The following EFHD2 variants were observed in gnomAD, a reference collection of about 807,000 sequenced individuals.
The protein encoded by EFHD2 is EF-hand domain-containing protein D2.
In EFHD2, 12 loss-of-function variants were observed where a neutral mutation model predicts 20.3. The observed-to-expected ratio is 0.59, with a 90% CI of 0.38 to 0.96. EFHD2 has a LOEUF of 0.96. Among genes scored for constraint, EFHD2 ranks in the 40% least tolerant of loss-of-function variants. The pLI, the probability that EFHD2 is intolerant of heterozygous loss-of-function variation, is 0.00. For synonymous variants in EFHD2, 131 were observed against 143.9 expected (o/e 0.91, Z 0.64); for missense variants, 250 against 334.3 (o/e 0.75, Z 1.97).
chr1:15,416,311 G>A lies in EFHD2; in HGVS notation c.308+6032G>A, dbSNP rs2496322. Among the ~76,000 whole-genome samples the A allele has an allele frequency of 1.1e-4, 17 of 152,036 alleles. No individual in the cohort carries two copies. The East Asian group carries it at 1.5e-3, about 14-fold the overall frequency. On this transcript the variant is annotated intron_variant, in intron 1 of 3. Transcript: ENST00000375980. Reference sequence around the variant, plus strand: ...GCTGCCTCAGGGGATGTCAGAGGTCGTTTCCTCAAGGCCAGCCCTGCCGGC... The same window carrying A: ...GCTGCCTCAGGGGATGTCAGAGGTCATTTCCTCAAGGCCAGCCCTGCCGGC...
chr1:15,416,897 C>T lies in EFHD2; in HGVS notation c.308+6618C>T, dbSNP rs557343360. 1.1e-4 allele frequency among the ~76,000 whole-genome samples: 16 copies of T among 152,288 alleles called. No homozygotes were observed. The East Asian group carries it at 3.1e-3, about 29-fold the overall frequency. On this transcript the variant is annotated intron_variant, in intron 1 of 3. Transcript: ENST00000375980. ...CGATCATAGCTCACTGCAGCCTCAA[C>T]TTCCTGGGCTTAAGTGATCCTCCCA...
intron 1 of EFHD2, among the ~76,000 whole-genome samples, chr1:15,424,019 G>A (rs189407412): frequency 1.4e-4 from 21 of 151,144 alleles, no homozygotes; most frequent in African/African-American, 4.4e-4. Flanking sequence ...TTGACACCCC[G>A]TCTCTACAAA....
intron 1 of EFHD2, among the ~76,000 whole-genome samples, chr1:15,418,488 G>T (rs891087350): frequency 6.6e-6 from 1 of 150,822 alleles, no homozygotes; most frequent in Admixed American, 6.6e-5. Context: ...TGTATTTTTA[G>T]TAGAGACGGG....
At chr1:15,412,767 C>G (rs6701494) in intron 1 of EFHD2, among the ~76,000 whole-genome samples, 20,601 of 152,226 alleles carry the variant, frequency 0.14, 1,510 homozygotes, top group South Asian at 0.19. Context: ...GCTGAGGGAA[C>G]AGTCTGGAAG....
intron 3 of EFHD2, chr1:15,427,989 T>C (rs1281502188): frequency 2.1e-6 from 1 of 471,064 alleles, no homozygotes; most frequent in Admixed American, 2.3e-5. Context: ...GCCCTTGCTT[T>C]GCAGCAGCCA....
rs1388154102 is a variant in EFHD2, at chr1:15,425,936, G to A, written c.374G>A (p.Gly125Glu). 1 of 1,605,722 alleles carries A rather than the reference G, an allele frequency of 6.2e-7. No individual in the cohort carries two copies. Among genetic ancestry groups the A allele is most frequent in the East Asian group, 2.3e-5 (1 of 44,088 alleles). Residue 125 changes from glycine (G) to glutamate (E), a missense_variant, in exon 2 of 4, where the codon GGG (glycine) becomes GAG (glutamate). By Grantham distance (98) the Gly-to-Glu change is moderately conservative. Around this residue, in one of 3 missense-constraint regions of EFHD2, gnomAD observed 143 missense variants for 190.6 expected, o/e 0.75. Coordinates refer to ENST00000375980, the MANE Select transcript of EFHD2 (RefSeq NM_024329.6). ...MELKLMMEKL[G>E]APQTHLGLKN... ...CTAAAACTCATGATGGAGAAACTTG[G>A]GGCCCCTCAGACCCACCTGGGCCTG...
intron 1 of EFHD2, among the ~76,000 whole-genome samples, chr1:15,418,423 A>C (rs937169001): frequency 1.4e-5 from 2 of 146,128 alleles, no homozygotes; most frequent in Admixed American, 1.4e-4. Flanking sequence ...CTCCTGCCTC[A>C]GCCTCCCGAG....
In EFHD2 at chr1:15,410,086, G is replaced by A; in HGVS notation, c.115G>A (p.Gly39Arg). Reference sequence around the variant, plus strand: ...GAACGGGGCAGCGGCGGCGGCGGCGGGGGCACCCGACGAGGCGGCCGAGGC... The same window carrying A: ...GAACGGGGCAGCGGCGGCGGCGGCGAGGGCACCCGACGAGGCGGCCGAGGC... Reference protein sequence around the residue: ...GLNGAAAAAAGAPDEAAEALG... With the variant: ...GLNGAAAAAARAPDEAAEALG... The change falls in exon 1 of 4, where the codon GGG (glycine) becomes AGG (arginine). Residue 39 changes from glycine to arginine, a missense_variant. Transcript: ENST00000375980. 1 of 1,417,528 alleles carries A rather than the reference G, an allele frequency of 7.1e-7. No individual in the cohort carries two copies. 87.8% of individuals were successfully genotyped at this position (1,417,528 alleles called of 1,614,324 possible). A position where few individuals can be genotyped will look rare whatever the true frequency, so the allele number is the denominator to read the frequency against.
At chr1:15,410,310 C>A in intron 1 of EFHD2, 31 bp downstream of exon 1, 1 of 1,551,596 alleles carries the variant, frequency 6.4e-7, no homozygotes, top group East Asian at 2.6e-5. Flanking sequence ...GCCCCCCGCC[C>A]GCCCCGCGAC....
In EFHD2 at chr1:15,417,561, G is replaced by GTC. The variant is rs371262552; in HGVS notation, c.308+7298_308+7299dup. Among the ~76,000 whole-genome samples, 758 of 150,472 alleles carry GTC rather than the reference G, an allele frequency of 5.0e-3. 10 individuals are homozygous for GTC. The highest frequency in any genetic ancestry group is 0.018 in the African/African-American group (724 of 41,220). ...ACACTTATGTGCTCTCTATCTCTCC[G>GTC]TCTCTCTCTCTCTCTCTTTCTCCCC... On this transcript the variant is annotated intron_variant, in intron 1 of 3. Coordinates refer to ENST00000375980, the MANE Select transcript of EFHD2 (RefSeq NM_024329.6).
At chr1:15,418,519 A>G (rs193263974) in intron 1 of EFHD2, among the ~76,000 whole-genome samples, 2,266 of 149,578 alleles carry the variant, frequency 0.015, 59 homozygotes, top group African/African-American at 0.053. Flanking sequence ...GTTAGCCAGG[A>G]TGGTCTCAAT....
At chr1:15,418,455 A>G (rs60610707) in intron 1 of EFHD2, among the ~76,000 whole-genome samples, 10,136 of 150,234 alleles carry the variant, frequency 0.067, 422 homozygotes, top group African/African-American at 0.11. Flanking sequence ...ACAGGCGCCC[A>G]CCATCACGCC....
intron 1 of EFHD2, among the ~76,000 whole-genome samples, chr1:15,425,556 C>A (rs1158335322): frequency 6.6e-6 from 1 of 152,030 alleles, no homozygotes; most frequent in Non-Finnish European, 1.5e-5. Flanking sequence ...TTCCTTCTCA[C>A]TGTCTGTGCC....
chr1:15,424,901 A>G (rs1707847117), intron 1 of EFHD2, among the ~76,000 whole-genome samples: 1 of 152,092 alleles, frequency 6.6e-6, no homozygotes, highest in Admixed American at 6.5e-5. Context: ...CACATCCCCT[A>G]TTCCAGTGCT....
intron 1 of EFHD2, among the ~76,000 whole-genome samples, chr1:15,414,172 C>T (rs1707606103): frequency 6.6e-6 from 1 of 152,250 alleles, no homozygotes; most frequent in Non-Finnish European, 1.5e-5. Flanking sequence ...CCGCCTAGCA[C>T]AGCCTTGCAG....
At position 15,428,623 on chromosome 1, in the gene EFHD2, G is replaced by A. The variant is rs752483484; in HGVS notation, c.622G>A (p.Glu208Lys). 8.1e-6 allele frequency: 13 copies of A among 1,611,164 alleles called. No homozygotes were observed. Among genetic ancestry groups the A allele is most frequent in the African/African-American group, 2.7e-5 (2 of 74,840 alleles). Reference sequence around the variant, plus strand: ...GGCCATCAACGTGTCCAGCCGCTTCGAGGAGGAGATCAAGGCAGAGCAGGA... The same window carrying A: ...GGCCATCAACGTGTCCAGCCGCTTCAAGGAGGAGATCAAGGCAGAGCAGGA... ...VQAINVSSRFEEEIKAEQEER... is the reference protein window; with the variant it reads ...VQAINVSSRFKEEIKAEQEER... The change falls in exon 4 of 4, where the codon GAG becomes AAG. Residue 208 changes from glutamate (E) to lysine (K), a missense_variant. Glu to Lys is a moderately conservative substitution (Grantham distance 56). Coordinates refer to ENST00000375980, the MANE Select transcript of EFHD2 (RefSeq NM_024329.6).
intron 1 of EFHD2, among the ~76,000 whole-genome samples, chr1:15,416,920 C>T (rs1297888826): frequency 6.6e-6 from 1 of 152,178 alleles, no homozygotes; most frequent in Non-Finnish European, 1.5e-5. Context: ...AGTGATCCTC[C>T]CACCTCAGCC....
At chr1:15,417,884 C>T (rs77163472) in intron 1 of EFHD2, among the ~76,000 whole-genome samples, 4 of 152,018 alleles carry the variant, frequency 2.6e-5, no homozygotes, top group African/African-American at 7.2e-5. Context: ...CCCACCTTCC[C>T]GTGTGCAGTT....
chr1:15,421,895 G>A (rs1476387145), intron 1 of EFHD2, among the ~76,000 whole-genome samples: 1 of 152,082 alleles, frequency 6.6e-6, no homozygotes, highest in Non-Finnish European at 1.5e-5. Context: ...TGGGAGTTTA[G>A]TGACGGTGAT....
Sources: gnomAD v4.1 joint callset for allele counts (sites outside exome capture counted in the v4.1 genomes callset) on GRCh38, gnomAD v4.1.1 for gene constraint, gnomAD v4.1.1 regional missense constraint, MANE v1.5 for transcripts, NCBI Gene and HGNC (gene_info 2026-07-23, HGNC 2026-07-21) for gene names.